The following PCDH15 variants were observed in gnomAD, a reference collection of about 807,000 sequenced individuals.
PCDH15 encodes protocadherin related 15.
In PCDH15, 129 loss-of-function variants were observed where a neutral mutation model predicts 178.5. The ratio of observed to expected loss-of-function variants is 0.72; its 90% CI spans 0.63 to 0.84. The LOEUF (loss-of-function observed/expected upper bound fraction) is 0.84. PCDH15 is among the 40% of genes least tolerant of loss of function. The pLI is 0.00. For synonymous variants in PCDH15, 800 were observed against 732.0 expected (o/e 1.09, Z -1.50); for missense variants, 2,230 against 2,099.9 (o/e 1.06, Z -1.21).
intron 20 of PCDH15, among the ~76,000 whole-genome samples, chr10:54,009,535 G>A (rs568945607): frequency 3.3e-5 from 5 of 152,320 alleles, no homozygotes; most frequent in African/African-American, 1.2e-4. Context: ...TAACTAGAGG[G>A]AGCTGGTGTG....
chr10:54,401,421 A>T (rs192029229), intron 3 of PCDH15, among the ~76,000 whole-genome samples: 59 of 152,038 alleles, frequency 3.9e-4, no homozygotes, highest in Non-Finnish European at 8.3e-4. Flanking sequence ...ATAACTGTAA[A>T]TCTATAAATG....
At chr10:55,472,909 T>C (rs1392132235) in intron 2 of PCDH15, among the ~76,000 whole-genome samples, 2 of 152,240 alleles carry the variant, frequency 1.3e-5, no homozygotes, top group Admixed American at 6.5e-5. Context: ...GTAATTTTAT[T>C]GTTCTGTGAT....
intron 1 of PCDH15, among the ~76,000 whole-genome samples, chr10:55,301,612 A>G (rs1471642130): frequency 2.0e-5 from 3 of 152,090 alleles, no homozygotes; most frequent in Admixed American, 6.5e-5. Flanking sequence ...AAGCCCAATT[A>G]TCAATTTTTC....
intron 2 of PCDH15, among the ~76,000 whole-genome samples, chr10:55,612,819 T>G (rs891717471): frequency 4.6e-5 from 7 of 152,134 alleles, no homozygotes; most frequent in Non-Finnish European, 7.4e-5. Flanking sequence ...TTCCTACAAA[T>G]TCTGAGCATT....
At chr10:54,520,899 T>A (rs1186057197) in intron 3 of PCDH15, among the ~76,000 whole-genome samples, 1 of 150,990 alleles carries the variant, frequency 6.6e-6, no homozygotes, top group East Asian at 2.0e-4. Context: ...AAATGATGAG[T>A]TCATGTCCTT....
At chr10:54,178,857 A>G (rs2047698668) in intron 13 of PCDH15, among the ~76,000 whole-genome samples, 1 of 152,114 alleles carries the variant, frequency 6.6e-6, no homozygotes. Flanking sequence ...GCAAATCAAA[A>G]CCACAATGAG....
intron 2 of PCDH15, among the ~76,000 whole-genome samples, chr10:55,127,716 G>A (rs1241134427): frequency 1.3e-5 from 2 of 151,950 alleles, no homozygotes; most frequent in African/African-American, 4.8e-5. Flanking sequence ...GTAATCAATT[G>A]AGAAAATCAA....
rs1181935152 is a variant in PCDH15, at chr10:54,236,807, GT to G, written c.985+15del. Reference sequence around the variant, plus strand: ...TCTAGAATAACTGATAGTGTAAAATGTTATCAGATACAAACCAACAAGGATG... The same window carrying G: ...TCTAGAATAACTGATAGTGTAAAATGTATCAGATACAAACCAACAAGGATG... On this transcript the variant is annotated intron_variant, in intron 9 of 37. Coordinates refer to ENST00000644397, the MANE Select transcript of PCDH15 (RefSeq NM_001384140.1). The G allele has an allele frequency of 6.4e-7, 1 of 1,567,556 alleles. No individual in the cohort carries two copies.
intron 3 of PCDH15, among the ~76,000 whole-genome samples, chr10:54,458,760 T>TA (rs1284446237): frequency 2.0e-5 from 3 of 152,156 alleles, no homozygotes; most frequent in East Asian, 1.9e-4. Context: ...AGCTTAGTAG[T>TA]AAAAACAACG....
intron 2 of PCDH15, among the ~76,000 whole-genome samples, chr10:55,563,321 A>G (rs947624458): frequency 2.0e-5 from 3 of 152,006 alleles, no homozygotes; most frequent in African/African-American, 7.2e-5. Flanking sequence ...ACATTAAAGA[A>G]TAGTATATTT....
chr10:55,083,771 A>G (rs1842099202), intron 2 of PCDH15, among the ~76,000 whole-genome samples: 1 of 152,070 alleles, frequency 6.6e-6, no homozygotes, highest in Middle Eastern at 3.4e-3. Flanking sequence ...CTACATGAAA[A>G]CAGCAAACAA....
intron 23 of PCDH15, among the ~76,000 whole-genome samples, chr10:53,942,425 G>A (rs1026888709): frequency 7.2e-5 from 11 of 152,170 alleles, no homozygotes; most frequent in African/African-American, 1.7e-4. Flanking sequence ...ACCAACTCTG[G>A]TCAATGGGGG....
At chr10:55,334,238 ATATATGTGTG>A (rs1844300372) in intron 2 of PCDH15, among the ~76,000 whole-genome samples, 1 of 97,324 alleles carries the variant, frequency 1.0e-5, no homozygotes, top group South Asian at 3.5e-4. Context: ...ATATATATAT[ATATATGTGTG>A]TGTGTGTGTG....
intron 2 of PCDH15, among the ~76,000 whole-genome samples, chr10:55,413,288 A>AT (rs1838388804): frequency 6.6e-6 from 1 of 151,410 alleles, no homozygotes; most frequent in Admixed American, 6.6e-5. Context: ...AATCCTGGCA[A>AT]TAAAAAAAAA....
intron 15 of PCDH15, among the ~76,000 whole-genome samples, chr10:54,106,032 T>C (rs567683456): frequency 3.9e-5 from 6 of 152,248 alleles, no homozygotes; most frequent in South Asian, 2.1e-4. Context: ...CCAGATACAA[T>C]AGATCACACA....
In PCDH15 at chr10:54,487,311, G is replaced by C. The variant is rs564189867; in HGVS notation, c.157+40501C>G. Among the ~76,000 whole-genome samples, 132 of 152,120 alleles carry C rather than the reference G, an allele frequency of 8.7e-4. 1 individual carries two copies. Among genetic ancestry groups the C allele is most frequent in the Non-Finnish European group, 1.3e-3 (91 of 67,954 alleles). Reference sequence around the variant, plus strand: ...AATAATGTGTACACATGGACGTAAAGTGTGGAATGATTGAAAATGGAGACT... The same window carrying C: ...AATAATGTGTACACATGGACGTAAACTGTGGAATGATTGAAAATGGAGACT... On this transcript the variant is annotated intron_variant, in intron 3 of 37. Coordinates refer to ENST00000644397, the MANE Select transcript of PCDH15 (RefSeq NM_001384140.1).
At position 55,067,704 on chromosome 10, in the gene PCDH15, C is replaced by T. The variant is rs182574806; in HGVS notation, c.-80+98872G>A. ...GTGGTTGTACTAATTTACATTACCA[C>T]CAACAGTGTATAAGAGTCTAATTTT... On this transcript the variant is annotated intron_variant, in intron 2 of 5. Coordinates refer to the PCDH15 transcript ENST00000458638. Among the ~76,000 whole-genome samples, 5 of 150,380 alleles carry T rather than the reference C, an allele frequency of 3.3e-5. No individual in the cohort carries two copies. The East Asian group carries it at 9.8e-4, about 29-fold the overall frequency.
At chr10:54,151,777 A>C (rs994171730) in intron 14 of PCDH15, among the ~76,000 whole-genome samples, 1 of 152,144 alleles carries the variant, frequency 6.6e-6, no homozygotes, top group Non-Finnish European at 1.5e-5. Flanking sequence ...TGTGTTCCTA[A>C]TAAAAACACA....
At chr10:54,440,205 G>A (rs1206359693) in intron 3 of PCDH15, among the ~76,000 whole-genome samples, 1 of 151,946 alleles carries the variant, frequency 6.6e-6, no homozygotes, top group Non-Finnish European at 1.5e-5. Flanking sequence ...CTTAATGAAC[G>A]GAGGTTTGTT....
Sources: allele counts gnomAD v4.1 joint callset (sites outside exome capture counted in the v4.1 genomes callset), GRCh38; gene constraint gnomAD v4.1.1; transcripts MANE v1.5; gene names NCBI Gene and HGNC (gene_info 2026-07-23, HGNC 2026-07-21).